Variants in SLC2A5 observed in about 807,000 individuals in gnomAD.
SLC2A5 encodes the protein solute carrier family 2 member 5, also known as solute carrier family 2, facilitated glucose transporter member 5.
A neutral mutation model predicts 50.3 loss-of-function variants in SLC2A5; 56 were observed. The ratio of observed to expected loss-of-function variants is 1.11; its 90% confidence interval spans 0.90 to 1.39. The LOEUF is 1.39. Ranked by LOEUF, SLC2A5 falls within the 40% of genes most tolerant of loss-of-function variation. The probability of loss-of-function intolerance (pLI) is 0.00; values close to 1 mark genes in which losing one functional copy is unlikely to be tolerated. For synonymous variants in SLC2A5, 269 were observed against 281.9 expected, an observed-to-expected ratio of 0.95 and a Z score of 0.46; for missense variants, 566 against 650.1, an observed-to-expected ratio of 0.87 and a Z score of 1.41.
the SLC2A5 span, among the ~76,000 whole-genome samples, chr1:9,093,557 C>T: frequency 3.3e-5 from 5 of 152,224 alleles, no homozygotes; most frequent in African/African-American, 1.2e-4. Context: ...TCCTGATCAG[C>T]TCCTCACTAT....
chr1:9,059,556 T>TTTTTTTTTTTA (rs1641854154), intron 1 of SLC2A5, among the ~76,000 whole-genome samples: 1 of 81,156 alleles, frequency 1.2e-5, no homozygotes, highest in African/African-American at 4.3e-5. Context: ...TTTTTTTTTC[T>TTTTTTTTTTTA]GAGACATTTC....
Position 9,046,998 on chromosome 1 carries a change from G to A in SLC2A5, c.418+612C>T, listed in dbSNP as rs898140271. 3.3e-5 allele frequency among the ~76,000 whole-genome samples: 5 copies of A among 151,132 alleles called. No homozygotes were observed. The East Asian group carries it at 5.8e-4, about 18-fold the overall frequency. On this transcript the variant is annotated intron_variant, in intron 4 of 11. Coordinates refer to ENST00000377424, the MANE Select transcript of SLC2A5 (RefSeq NM_003039.3). ...CCTTCTCTCTCTCTCTCTCTCTCTC[G>A]CCTGCTGCCATGTAAGACAGGTCTG...
At chr1:9,043,952 C>T (rs1030215468) in intron 4 of SLC2A5, among the ~76,000 whole-genome samples, 1 of 151,508 alleles carries the variant, frequency 6.6e-6, no homozygotes, top group African/African-American at 2.4e-5. Context: ...GAACTCCCGA[C>T]CTCAGGTGAT....
At chr1:9,081,283 C>CCAA (rs1642349095) in intron 2 of SLC2A5, among the ~76,000 whole-genome samples, 7 of 123,392 alleles carry the variant, frequency 5.7e-5, no homozygotes, top group African/African-American at 9.7e-5. Flanking sequence ...AAAAAAACCC[C>CCAA]AAAAAAAAAA....
At chr1:9,039,754 G>GC (rs1271941222) in intron 7 of SLC2A5, 46 bp downstream of exon 7, 13 of 1,419,590 alleles carry the variant, frequency 9.2e-6, no homozygotes, top group South Asian at 5.8e-5. Flanking sequence ...TGCGCCCCGC[G>GC]CCCCCCGAGC....
At chr1:9,086,596 G>C (rs1642404184) in intron 1 of SLC2A5, among the ~76,000 whole-genome samples, 2 of 151,950 alleles carry the variant, frequency 1.3e-5, no homozygotes, top group Non-Finnish European at 2.9e-5. Flanking sequence ...TCACCAAGTT[G>C]GTCAGGTTGG....
chr1:9,077,591 A>G (rs1236391133), intron 2 of SLC2A5, among the ~76,000 whole-genome samples: 3 of 150,700 alleles, frequency 2.0e-5, no homozygotes, highest in African/African-American at 4.9e-5. Flanking sequence ...AAATACAAAA[A>G]AAAAAAGAAA....
chr1:9,063,467 G>A (rs1435377932), intron 1 of SLC2A5, among the ~76,000 whole-genome samples: 3 of 151,848 alleles, frequency 2.0e-5, no homozygotes, highest in Non-Finnish European at 2.9e-5. Flanking sequence ...CCACCTCCTC[G>A]GTTCAAGCAA....
upstream of SLC2A5, among the ~76,000 whole-genome samples, chr1:9,091,131 A>T (rs751835185): frequency 6.6e-6 from 1 of 152,168 alleles, no homozygotes; most frequent in Non-Finnish European, 1.5e-5. Flanking sequence ...ATGGATAGCA[A>T]ATTTTGCCAT....
chr1:9,053,610 A>G (rs2124387806), intron 3 of SLC2A5, among the ~76,000 whole-genome samples: 1 of 139,152 alleles, frequency 7.2e-6, no homozygotes, highest in South Asian at 2.1e-4. Flanking sequence ...ACAGTGGCTT[A>G]TGCCTGTAAT....
intron 3 of SLC2A5, among the ~76,000 whole-genome samples, chr1:9,053,425 A>AT (rs1641664048): frequency 2.0e-5 from 1 of 49,424 alleles, no homozygotes; most frequent in Non-Finnish European, 3.4e-5. Flanking sequence ...ATATTTATAT[A>AT]TATTATATAT....
chr1:9,054,706 C>A (rs1385332990), intron 3 of SLC2A5, among the ~76,000 whole-genome samples: 3 of 152,124 alleles, frequency 2.0e-5, no homozygotes, highest in African/African-American at 7.2e-5. Flanking sequence ...GGGAGGATTG[C>A]TTGAGCCCAG....
Position 9,069,607 on chromosome 1 carries a change from A to T in SLC2A5, c.-71T>A. The T allele has an allele frequency of 6.4e-7, 1 of 1,564,706 alleles. No individual in the cohort carries two copies. The highest frequency in any genetic ancestry group is 8.8e-7 in the Non-Finnish European group (1 of 1,137,370). ...AGTAACGCGTGCACTGAATGGAGAGAGAAGACATTCTGGGTGCACTTTGGC... is the reference window on the plus strand; with the variant it reads ...AGTAACGCGTGCACTGAATGGAGAGTGAAGACATTCTGGGTGCACTTTGGC... On this transcript the variant is annotated 5_prime_UTR_variant, in exon 1 of 12. Coordinates refer to ENST00000377424, the MANE Select transcript of SLC2A5 (RefSeq NM_003039.3).
intron 2 of SLC2A5, among the ~76,000 whole-genome samples, chr1:9,083,461 C>T (rs1008607018): frequency 1.3e-5 from 2 of 152,152 alleles, no homozygotes; most frequent in Admixed American, 6.5e-5. Flanking sequence ...TGGCTAAGGC[C>T]GACTGGAATC....
At chr1:9,086,720 T>C (rs1445797539) in intron 1 of SLC2A5, among the ~76,000 whole-genome samples, 2 of 152,058 alleles carry the variant, frequency 1.3e-5, no homozygotes, top group Non-Finnish European at 1.5e-5. Context: ...GATAGTTTGG[T>C]GGGCAGTGGA....
intron 4 of SLC2A5, among the ~76,000 whole-genome samples, chr1:9,042,486 A>G (rs1228707146): frequency 1.3e-5 from 2 of 148,602 alleles, no homozygotes; most frequent in African/African-American, 2.5e-5. Context: ...CTGTGTGTGT[A>G]TGGCCTCTGT....
At chr1:9,074,186 GC>G (rs1248155653), upstream of SLC2A5, among the ~76,000 whole-genome samples, 3 of 152,094 alleles carry the variant, frequency 2.0e-5, no homozygotes, top group Non-Finnish European at 2.9e-5. Context: ...GCGGAGGGGG[GC>G]AAGCATTCTC....
At chr1:9,090,293 G>A (rs1380380522), upstream of SLC2A5, among the ~76,000 whole-genome samples, 2 of 152,140 alleles carry the variant, frequency 1.3e-5, no homozygotes, top group Non-Finnish European at 2.9e-5. Context: ...AAACCCCATA[G>A]TATGGAACAC....
chr1:9,086,298 C>T (rs1052824104), intron 1 of SLC2A5, among the ~76,000 whole-genome samples: 3 of 151,974 alleles, frequency 2.0e-5, no homozygotes, highest in Non-Finnish European at 2.9e-5. Flanking sequence ...TTAATTGCTG[C>T]GAGGCCAGCC....
Sources: gnomAD v4.1 joint callset for allele counts (sites outside exome capture counted in the v4.1 genomes callset) on GRCh38, gnomAD v4.1.1 for gene constraint, MANE v1.5 for transcripts, NCBI Gene and HGNC (gene_info 2026-07-23, HGNC 2026-07-21) for gene names.